The following R3HDM1 variants were observed in gnomAD, a reference collection of about 807,000 sequenced individuals.
R3HDM1 encodes the protein R3H domain containing 1, also known as R3H domain-containing protein 1.
R3HDM1 carries 46 observed loss-of-function variants against 141.1 expected under a neutral mutation model. The ratio of observed to expected loss-of-function variants is 0.33; its 90% CI spans 0.26 to 0.42. R3HDM1 has a LOEUF of 0.42. Among genes scored for constraint, R3HDM1 ranks in the 10% least tolerant of loss-of-function variants. The pLI is 1.00. For synonymous variants in R3HDM1, 435 were observed against 472.9 expected (o/e 0.92, Z 1.04); for missense variants, 1,184 against 1,368.3 (o/e 0.87, Z 2.12).
chr2:135,721,752 T>C (rs919063236), intron 24 of R3HDM1, 172 bp from the exon 25 acceptor site: 3 of 453,706 alleles, frequency 6.6e-6, no homozygotes, highest in Non-Finnish European at 4.1e-6. Context: ...CAGGCCTGGC[T>C]AATTTTTATA....
At chr2:135,602,937 G>A (rs2059737996) in intron 2 of R3HDM1, among the ~76,000 whole-genome samples, 1 of 151,532 alleles carries the variant, frequency 6.6e-6, no homozygotes, top group Non-Finnish European at 1.5e-5. Flanking sequence ...ACTTCTCTTT[G>A]GCTTTTTTAA....
At chr2:135,604,764 A>C in intron 2 of R3HDM1, 42 bp from the exon 3 acceptor site, 2 of 1,439,454 alleles carry the variant, frequency 1.4e-6, no homozygotes, top group Non-Finnish European at 1.9e-6. Context: ...CAGTAACTGA[A>C]TGTAAAAAAG....
chr2:135,654,769 C>A (rs1284288805), intron 18 of R3HDM1, among the ~76,000 whole-genome samples: 1 of 151,616 alleles, frequency 6.6e-6, no homozygotes, highest in East Asian at 1.9e-4. Flanking sequence ...ATGTTTTCAT[C>A]TTTTGTTTCT....
At chr2:135,684,240 G>A (rs1463361718) in intron 21 of R3HDM1, among the ~76,000 whole-genome samples, 1 of 151,930 alleles carries the variant, frequency 6.6e-6, no homozygotes, top group Non-Finnish European at 1.5e-5. Context: ...ATAGGCGCCC[G>A]CCACTACGCC....
At chr2:135,606,854 A>G (rs963997212) in intron 3 of R3HDM1, among the ~76,000 whole-genome samples, 2 of 151,290 alleles carry the variant, frequency 1.3e-5, no homozygotes, top group Non-Finnish European at 2.9e-5. Flanking sequence ...ATATTCTATC[A>G]TTCTATATGC....
chr2:135,561,369 C>T, intron 1 of R3HDM1: 3 of 963,620 alleles, frequency 3.1e-6, no homozygotes, highest in Non-Finnish European at 3.7e-6. Context: ...TTCAGGTCTC[C>T]CTGGTCTGTT....
At chr2:135,626,197 G>A (rs112809893) in intron 7 of R3HDM1, among the ~76,000 whole-genome samples, 3 of 120,500 alleles carry the variant, frequency 2.5e-5, no homozygotes, top group Admixed American at 1.8e-4. Flanking sequence ...GCGTGCGTGC[G>A]TGCGTGCGTG....
chr2:135,625,553 T>C (rs1289177733), intron 7 of R3HDM1, among the ~76,000 whole-genome samples: 1 of 152,234 alleles, frequency 6.6e-6, no homozygotes, highest in African/African-American at 2.4e-5. Context: ...TTTCCTAGCT[T>C]ACAACTAAAA....
At chr2:135,592,296 A>G (rs1353982246) in intron 1 of R3HDM1, among the ~76,000 whole-genome samples, 1 of 152,230 alleles carries the variant, frequency 6.6e-6, no homozygotes, top group African/African-American at 2.4e-5. Flanking sequence ...ACTAAGGACA[A>G]AGGTCAGCCA....
At chr2:135,546,765 G>A (rs1220275441) in intron 1 of R3HDM1, among the ~76,000 whole-genome samples, 2 of 152,048 alleles carry the variant, frequency 1.3e-5, no homozygotes, top group African/African-American at 4.8e-5. Flanking sequence ...TCCACCTCCC[G>A]GATTCAGGAC....
At chr2:135,691,441 C>G (rs1014432501) in intron 21 of R3HDM1, among the ~76,000 whole-genome samples, 4 of 151,930 alleles carry the variant, frequency 2.6e-5, no homozygotes, top group Admixed American at 6.6e-5. Flanking sequence ...TAGCAAAACC[C>G]CATCTCTGCA....
intron 1 of R3HDM1, among the ~76,000 whole-genome samples, chr2:135,551,684 G>A (rs1377031502): frequency 1.3e-5 from 2 of 152,190 alleles, no homozygotes. Context: ...ACATTGTGGG[G>A]TATTAGGAGA....
intron 1 of R3HDM1, among the ~76,000 whole-genome samples, chr2:135,598,586 T>C (rs927209101): frequency 1.3e-5 from 2 of 152,196 alleles, no homozygotes; most frequent in Non-Finnish European, 2.9e-5. Flanking sequence ...CTGTTTTCCA[T>C]ACTTACTGGC....
intron 19 of R3HDM1, among the ~76,000 whole-genome samples, chr2:135,668,820 T>C (rs2067906992): frequency 6.6e-6 from 1 of 152,184 alleles, no homozygotes; most frequent in Non-Finnish European, 1.5e-5. Context: ...CCAGTATCTA[T>C]GAAAACTCTG....
At chr2:135,649,855 C>A in intron 16 of R3HDM1, 47 bp from the exon 17 acceptor site, 1 of 1,075,646 alleles carries the variant, frequency 9.3e-7, no homozygotes, top group South Asian at 2.0e-5. Flanking sequence ...ATTCTTCTAA[C>A]GTTTTATTCT....
At chr2:135,716,364 G>A (rs2076151919) in intron 24 of R3HDM1, among the ~76,000 whole-genome samples, 1 of 152,158 alleles carries the variant, frequency 6.6e-6, no homozygotes, top group Non-Finnish European at 1.5e-5. Flanking sequence ...TTAAGGAAAT[G>A]GCTATGCCCT....
chr2:135,595,945 G>A (rs544110122), intron 1 of R3HDM1, among the ~76,000 whole-genome samples: 1 of 152,260 alleles, frequency 6.6e-6, no homozygotes, highest in African/African-American at 2.4e-5. Context: ...CTTAAAATGT[G>A]TTCCTCTATT....
intron 21 of R3HDM1, among the ~76,000 whole-genome samples, chr2:135,689,060 C>T (rs2071877996): frequency 6.6e-6 from 1 of 152,050 alleles, no homozygotes; most frequent in South Asian, 2.1e-4. Context: ...AATTTCAACC[C>T]TATATATCTT....
At chr2:135,597,945 T>A (rs1209508612) in intron 1 of R3HDM1, among the ~76,000 whole-genome samples, 2 of 152,214 alleles carry the variant, frequency 1.3e-5, no homozygotes, top group Non-Finnish European at 1.5e-5. Flanking sequence ...AAACCAAAAC[T>A]TAGACCCCAA....
Sources: gnomAD v4.1 joint callset for allele counts (sites outside exome capture counted in the v4.1 genomes callset) on GRCh38, gnomAD v4.1.1 for gene constraint, MANE v1.5 for transcripts, NCBI Gene and HGNC (gene_info 2026-07-23, HGNC 2026-07-21) for gene names.